Variants in SLCO3A1 observed in about 807,000 individuals in gnomAD.
SLCO3A1 encodes the protein PGE1 transporter.
In SLCO3A1, 27 loss-of-function variants were observed where a neutral mutation model predicts 63.1. The ratio of observed to expected loss-of-function variants is 0.43; its 90% confidence interval spans 0.32 to 0.59. The LOEUF is 0.59. SLCO3A1 is among the 20% of genes least tolerant of loss of function. SLCO3A1 has a pLI of 0.09. For missense variants in SLCO3A1, 773 were observed against 945.8 expected, an observed-to-expected ratio of 0.82 and a Z score of 2.40; for synonymous variants, 473 against 409.9, an observed-to-expected ratio of 1.15 and a Z score of -1.86.
chr15:91,960,757 G>A (rs1900415525), intron 2 of SLCO3A1, among the ~76,000 whole-genome samples: 1 of 152,142 alleles, frequency 6.6e-6, no homozygotes, highest in African/African-American at 2.4e-5. Flanking sequence ...GGGATGAGAA[G>A]TGTTTCAGAT....
chr15:92,075,869 A>G (rs912598796), intron 2 of SLCO3A1, among the ~76,000 whole-genome samples: 1 of 152,088 alleles, frequency 6.6e-6, no homozygotes, highest in African/African-American at 2.4e-5. Context: ...ATAGTGAGTG[A>G]GTGTTTTTGT....
intron 1 of SLCO3A1, among the ~76,000 whole-genome samples, chr15:91,873,239 A>G (rs1397169114): frequency 6.6e-6 from 1 of 152,220 alleles, no homozygotes; most frequent in African/African-American, 2.4e-5. Context: ...TGGGAGAGCC[A>G]TCTATTTACT....
intron 1 of SLCO3A1, among the ~76,000 whole-genome samples, chr15:91,913,960 C>A (rs966572313): frequency 2.6e-5 from 4 of 152,118 alleles, no homozygotes; most frequent in Non-Finnish European, 1.5e-5. Context: ...CACTGCTGGC[C>A]TTCTTCCACC....
At chr15:92,025,123 T>A (rs1046084978) in intron 2 of SLCO3A1, among the ~76,000 whole-genome samples, 1 of 151,924 alleles carries the variant, frequency 6.6e-6, no homozygotes, top group East Asian at 1.9e-4. Context: ...TGATTACTGT[T>A]CCTTAATAGC....
chr15:92,162,887 A>T lies in SLCO3A1; in HGVS notation c.1885A>T (p.Ile629Phe). The change falls in exon 10 of 10, where the codon ATC becomes TTC. Residue 629 changes from isoleucine (I) to phenylalanine (F), a missense_variant. Around this residue, in one of 3 missense-constraint regions of SLCO3A1, gnomAD observed 139 missense variants for 131.4 expected, o/e 1.06. Coordinates refer to ENST00000318445, the MANE Select transcript of SLCO3A1 (RefSeq NM_013272.4). ...NVVYRYLYVS[I>F]AIALKSFAFI... ...GGTCTACCGATACCTGTATGTCAGC[A>T]TCGCCATCGCGCTCAAATCCTTCGC... is the stretch of plus-strand genomic sequence containing the variant. 6.2e-7 allele frequency: 1 copy of T among 1,614,226 alleles called. No homozygotes were observed. Among genetic ancestry groups the T allele is most frequent in the South Asian group, 1.1e-5 (1 of 91,086 alleles).
intron 7 of SLCO3A1, among the ~76,000 whole-genome samples, chr15:92,143,777 C>G (rs1342575419): frequency 6.6e-6 from 1 of 151,492 alleles, no homozygotes; most frequent in Non-Finnish European, 1.5e-5. Context: ...GGCTGCGTAA[C>G]TGTCAGGAAA....
chr15:91,865,141 T>C lies in SLCO3A1; in HGVS notation c.180+11053T>C, dbSNP rs868049450. ...TCCAATTCCACCTTTCACCACAGAC[T>C]GTATGTGATTCCTGCCTTCCTGGAC... On this transcript the variant is annotated intron_variant, in intron 1 of 9. Coordinates refer to ENST00000318445, the MANE Select transcript of SLCO3A1 (RefSeq NM_013272.4). This position sits in a 1 kb window ranked among gnomAD's most constrained non-coding sequence, Gnocchi z 4.6. Among the ~76,000 whole-genome samples, 2 of 152,256 alleles carry C rather than the reference T, an allele frequency of 1.3e-5. No homozygotes were observed. Among genetic ancestry groups the C allele is most frequent in the Non-Finnish European group, 2.9e-5 (2 of 68,048 alleles).
intron 2 of SLCO3A1, among the ~76,000 whole-genome samples, chr15:92,073,798 A>G (rs1324179006): frequency 1.3e-5 from 2 of 152,254 alleles, no homozygotes; most frequent in African/African-American, 4.8e-5. Flanking sequence ...TGTGACAAGC[A>G]AAACTGTCTT....
At chr15:91,923,833 G>C (rs1028839524) in intron 2 of SLCO3A1, among the ~76,000 whole-genome samples, 10 of 152,184 alleles carry the variant, frequency 6.6e-5, no homozygotes, top group African/African-American at 2.4e-4. Flanking sequence ...ATATTATAAA[G>C]TTTTTCCTGG....
At chr15:92,000,785 C>T (rs76975726) in intron 2 of SLCO3A1, among the ~76,000 whole-genome samples, 9,356 of 152,240 alleles carry the variant, frequency 0.061, 389 homozygotes, top group South Asian at 0.11. Context: ...CCCTGTGTAC[C>T]GGAAGGTGTT....
rs2048462488 is a variant in SLCO3A1, at chr15:92,163,202, AAAG to A, written c.*68_*70del. 1 of 1,440,206 alleles carries A rather than the reference AAAG, an allele frequency of 6.9e-7. No individual in the cohort carries two copies. The highest frequency in any genetic ancestry group is 9.1e-7 in the Non-Finnish European group (1 of 1,103,886). 89.2% of individuals were successfully genotyped at this position (1,440,206 alleles called of 1,614,324 possible). ...TCATTTTTTTCTTAAAAAAAGAAAA[AAAG>A]GTTCCAAAAAAAACCAAAACTCAGT... On this transcript the variant is annotated 3_prime_UTR_variant, in exon 10 of 10. Transcript: ENST00000318445.
intron 1 of SLCO3A1, among the ~76,000 whole-genome samples, chr15:91,871,754 G>GTT (rs5814501): frequency 3.5e-4 from 22 of 63,620 alleles, no homozygotes; most frequent in East Asian, 1.7e-3. Flanking sequence ...TGCTCATTTT[G>GTT]TTTTTTTTTG....
At chr15:92,093,270 A>G (rs2047498700) in intron 2 of SLCO3A1, among the ~76,000 whole-genome samples, 1 of 152,174 alleles carries the variant, frequency 6.6e-6, no homozygotes, top group Non-Finnish European at 1.5e-5. Context: ...GAAGCTTCCA[A>G]TCATGGCAGG....
At chr15:91,989,455 T>C (rs7163463) in intron 2 of SLCO3A1, among the ~76,000 whole-genome samples, 30,882 of 152,048 alleles carry the variant, frequency 0.2, 3,329 homozygotes, top group East Asian at 0.39. Context: ...TAAATATGGA[T>C]TGCGTGATTG....
chr15:92,146,787 C>G lies in SLCO3A1; in HGVS notation c.1513-197C>G, dbSNP rs74720148. 4.1e-3 allele frequency among the ~76,000 whole-genome samples: 620 copies of G among 152,046 alleles called. 4 individuals are homozygous for G. Among genetic ancestry groups the G allele is most frequent in the African/African-American group, 0.014 (577 of 41,338 alleles). On this transcript the variant is annotated intron_variant, in intron 7 of 9. Transcript: ENST00000318445. ...CACAAGAGACAGAGAAATCAGCTCT[C>G]CTCCCCGTAAATATTCCTTTATTTA...
At position 91,854,114 on chromosome 15, in the gene SLCO3A1, CG is replaced by C; in HGVS notation, c.180+29del. 1 of 1,445,804 alleles carries C rather than the reference CG, an allele frequency of 6.9e-7. No homozygotes were observed. The highest frequency in any genetic ancestry group is 2.4e-5 in the Admixed American group (1 of 42,318). The allele number at this position is 1,445,804 out of a possible 1,614,324, so 89.6% of individuals were successfully genotyped here. ...GTGAGTCCCCGAGCCAACTCCGCCG[CG>C]GGCCCCTTCCCCAGCCCGGCTCTCG... On this transcript the variant is annotated intron_variant, in intron 1 of 9. Transcript: ENST00000318445. This position sits in a 1 kb window ranked among gnomAD's most constrained non-coding sequence, Gnocchi z 6.4.
intron 2 of SLCO3A1, among the ~76,000 whole-genome samples, chr15:92,090,435 G>A (rs2047457781): frequency 6.6e-6 from 1 of 152,218 alleles, no homozygotes; most frequent in Non-Finnish European, 1.5e-5. Context: ...CAGAATGCCA[G>A]AGCCAGATCA....
At chr15:91,855,970 GC>G (rs1026669894) in intron 1 of SLCO3A1, among the ~76,000 whole-genome samples, 1 of 152,068 alleles carries the variant, frequency 6.6e-6, no homozygotes, top group Non-Finnish European at 1.5e-5. Context: ...TTTTTCGGTT[GC>G]AGTGATCTAA....
At chr15:92,111,747 TTTG>T (rs1184453988) in intron 4 of SLCO3A1, among the ~76,000 whole-genome samples, 1 of 152,210 alleles carries the variant, frequency 6.6e-6, no homozygotes, top group African/African-American at 2.4e-5. Flanking sequence ...TGCCTGGCAC[TTTG>T]TTGATATTCC....
Sources: gnomAD v4.1 joint callset for allele counts (sites outside exome capture counted in the v4.1 genomes callset) on GRCh38, gnomAD v4.1.1 for gene constraint, gnomAD v4.1.1 regional missense constraint, Gnocchi (gnomAD v3.1) non-coding constraint, MANE v1.5 for transcripts, NCBI Gene and HGNC (gene_info 2026-07-23, HGNC 2026-07-21) for gene names.